PARD3B: variants seen among roughly 807,000 people sequenced by gnomAD.
PARD3B encodes the protein partitioning defective 3 homolog B.
Under a neutral mutation model 130.2 loss-of-function variants are expected in PARD3B, and 103 were observed. The ratio of observed to expected loss-of-function variants is 0.79; its 90% CI spans 0.67 to 0.93. The LOEUF (loss-of-function observed/expected upper bound fraction) is 0.93, where lower values mean the gene tolerates loss of function less well. Among genes scored for constraint, PARD3B ranks in the 40% least tolerant of loss-of-function variants. The pLI is 0.00. For missense variants in PARD3B, 1,609 were observed against 1,499.2 expected (o/e 1.07, Z -1.21); for synonymous variants, 583 against 553.2 (o/e 1.05, Z -0.76).
rs1035606771 is a variant in PARD3B at position 205,563,587 on chromosome 2, A to G, written c.3260+10184A>G. On this transcript the variant is annotated intron_variant, in intron 22 of 22. Transcript: ENST00000406610. The surrounding 1 kb of genome is among the most constrained non-coding windows in gnomAD (Gnocchi z 4.2). Reference sequence around the variant, plus strand: ...TCTTAGACCATATGAAGAATAGCCCATGTTCATTGTGAACATCTTTTAAGG... The same window carrying G: ...TCTTAGACCATATGAAGAATAGCCCGTGTTCATTGTGAACATCTTTTAAGG... 6.6e-6 allele frequency among the ~76,000 whole-genome samples: 1 copy of G among 152,130 alleles called. No homozygotes were observed. The highest frequency in any genetic ancestry group is 2.4e-5 in the African/African-American group (1 of 41,426).
At chr2:204,698,278 C>T (rs2037713323) in intron 2 of PARD3B, among the ~76,000 whole-genome samples, 2 of 152,088 alleles carry the variant, frequency 1.3e-5, no homozygotes, top group Non-Finnish European at 2.9e-5. Context: ...TTTGTCCTAA[C>T]CTCTTTCAGT....
chr2:205,523,511 T>C (rs566886048), intron 21 of PARD3B, among the ~76,000 whole-genome samples: 1 of 152,132 alleles, frequency 6.6e-6, no homozygotes, highest in African/African-American at 2.4e-5. Context: ...ATACTGGCTT[T>C]ATAAATATTA....
intron 4 of PARD3B, among the ~76,000 whole-genome samples, chr2:205,053,435 C>T (rs1699372420): frequency 1.3e-5 from 2 of 151,680 alleles, no homozygotes. Flanking sequence ...GTTAGGAGTT[C>T]GAGACCAGCT....
chr2:204,750,094 G>C (rs2125384849), intron 2 of PARD3B, among the ~76,000 whole-genome samples: 1 of 152,242 alleles, frequency 6.6e-6, no homozygotes, highest in African/African-American at 2.4e-5. Flanking sequence ...AATATATGCA[G>C]CTTTGAAAAA....
Position 204,799,684 on chromosome 2 carries a change from T to C in PARD3B, c.222+113402T>C, listed in dbSNP as rs1008579091. On this transcript the variant is annotated intron_variant, in intron 2 of 22. Coordinates refer to ENST00000406610, the MANE Select transcript of PARD3B (RefSeq NM_001302769.2). This position sits in a 1 kb window ranked among gnomAD's most constrained non-coding sequence, Gnocchi z 4.1. ...TCAGCACAGAGAAAGACTGACTCTTTTTGGGGGCAAAGTGAGGGAAGAGAA... is the reference window on the plus strand; with the variant it reads ...TCAGCACAGAGAAAGACTGACTCTTCTTGGGGGCAAAGTGAGGGAAGAGAA... 1.3e-5 allele frequency among the ~76,000 whole-genome samples: 2 copies of C among 152,174 alleles called. No individual in the cohort carries two copies. The highest frequency in any genetic ancestry group is 2.9e-5 in the Non-Finnish European group (2 of 68,034).
intron 2 of PARD3B, among the ~76,000 whole-genome samples, chr2:204,780,197 T>G (rs530226495): frequency 6.6e-6 from 1 of 152,306 alleles, no homozygotes; most frequent in East Asian, 1.9e-4. Context: ...CTGCTAAGGA[T>G]TTGAGTTCTT....
At chr2:205,098,368 A>G (rs1702532800) in intron 4 of PARD3B, among the ~76,000 whole-genome samples, 1 of 152,192 alleles carries the variant, frequency 6.6e-6, no homozygotes, top group African/African-American at 2.4e-5. Context: ...TTGAGGGGGA[A>G]AAATCATGGC....
chr2:205,257,134 G>A (rs898931290), intron 16 of PARD3B, among the ~76,000 whole-genome samples: 5 of 151,996 alleles, frequency 3.3e-5, no homozygotes, highest in African/African-American at 1.2e-4. Context: ...AAGAATGTGT[G>A]AAATGAAAGA....
At chr2:204,889,898 T>G (rs2046387920) in intron 2 of PARD3B, among the ~76,000 whole-genome samples, 1 of 152,126 alleles carries the variant, frequency 6.6e-6, no homozygotes, top group African/African-American at 2.4e-5. Flanking sequence ...AACAAACTGG[T>G]TTTCTAATAG....
intron 16 of PARD3B, among the ~76,000 whole-genome samples, chr2:205,261,961 T>G (rs2105766485): frequency 6.6e-6 from 1 of 152,284 alleles, no homozygotes; most frequent in South Asian, 2.1e-4. Flanking sequence ...TGATAAGTCC[T>G]TTAGGTACTA....
chr2:205,442,290 CTTTTTTTTTTTT>C (rs71410814), intron 20 of PARD3B, among the ~76,000 whole-genome samples: 1 of 105,994 alleles, frequency 9.4e-6, no homozygotes, highest in Non-Finnish European at 1.8e-5. Context: ...ACAGGTTTTC[CTTTTTTTTTTTT>C]TTTTTTTTTT....
chr2:205,435,952 G>A (rs917863467), intron 19 of PARD3B, among the ~76,000 whole-genome samples: 5 of 152,098 alleles, frequency 3.3e-5, no homozygotes, highest in Non-Finnish European at 7.4e-5. Context: ...CTGAGACAGG[G>A]TAATTTATAA....
chr2:204,909,233 A>C (rs779686659), intron 2 of PARD3B, among the ~76,000 whole-genome samples: 10 of 152,206 alleles, frequency 6.6e-5, no homozygotes, highest in Non-Finnish European at 1.3e-4. Context: ...GAAAATGCAC[A>C]TAATGTTACA....
intron 2 of PARD3B, among the ~76,000 whole-genome samples, chr2:204,891,227 A>T (rs1487968561): frequency 6.7e-6 from 1 of 150,348 alleles, no homozygotes; most frequent in Non-Finnish European, 1.5e-5. Flanking sequence ...AAATACCTAT[A>T]CATCGGAATC....
At chr2:205,147,582 C>T (rs1017072994) in intron 10 of PARD3B, among the ~76,000 whole-genome samples, 2 of 152,004 alleles carry the variant, frequency 1.3e-5, no homozygotes, top group Non-Finnish European at 2.9e-5. Flanking sequence ...AGTTTCCTCC[C>T]TCTACCCCCT....
chr2:205,266,670 T>C (rs574840123), intron 16 of PARD3B, among the ~76,000 whole-genome samples: 1 of 152,270 alleles, frequency 6.6e-6, no homozygotes, highest in Non-Finnish European at 1.5e-5. Context: ...TCACTCTGAA[T>C]AATTTCAAGA....
intron 22 of PARD3B, among the ~76,000 whole-genome samples, chr2:205,557,200 G>A (rs981891024): frequency 2.0e-5 from 3 of 152,142 alleles, no homozygotes; most frequent in Admixed American, 6.5e-5. Flanking sequence ...GGAGAGACTC[G>A]TAAAACTGCA....
chr2:204,956,230 G>A (rs549458044), intron 2 of PARD3B, among the ~76,000 whole-genome samples: 1 of 152,328 alleles, frequency 6.6e-6, no homozygotes, highest in South Asian at 2.1e-4. Context: ...TGCTTTGGCT[G>A]AGAGATTGCC....
intron 21 of PARD3B, among the ~76,000 whole-genome samples, chr2:205,551,817 C>T (rs78131205): frequency 0.029 from 4,364 of 152,240 alleles, 100 homozygotes; most frequent in Middle Eastern, 0.048. Flanking sequence ...GAAAAATTTT[C>T]CCTACTGACC....
Sources: allele counts gnomAD v4.1 joint callset (sites outside exome capture counted in the v4.1 genomes callset), GRCh38; gene constraint gnomAD v4.1.1; non-coding constraint Gnocchi (gnomAD v3.1); transcripts MANE v1.5; gene names NCBI Gene and HGNC (gene_info 2026-07-23, HGNC 2026-07-21).